The following ARL6IP1 variants were observed in gnomAD, a reference collection of about 807,000 sequenced individuals.
The protein encoded by ARL6IP1 is ADP-ribosylation factor-like protein 6-interacting protein 1.
A neutral mutation model predicts 30.1 loss-of-function variants in ARL6IP1; 16 were observed. That is an observed-to-expected ratio of 0.53 (90% CI 0.36 to 0.81). The LOEUF is 0.81. Among genes scored for constraint, ARL6IP1 ranks in the 30% least tolerant of loss-of-function variants. The pLI is 0.01. For missense variants in ARL6IP1, 173 were observed against 242.7 expected (o/e 0.71, Z 1.91); for synonymous variants, 72 against 84.8 (o/e 0.85, Z 0.83).
At chr16:18,798,212 T>C in intron 2 of ARL6IP1, 168 bp from the exon 3 acceptor site, 1 of 592,230 alleles carries the variant, frequency 1.7e-6, no homozygotes. Flanking sequence ...GACATGCTGA[T>C]ATCATAGCTG....
chr16:18,793,209 G>A lies in ARL6IP1; in HGVS notation c.*43C>T. ...ATAGTACAGCAGAAACGGTTCCCGG[G>A]GCAATGGGTGCTGCATTAATCACAC... On this transcript the variant is annotated 3_prime_UTR_variant, in exon 6 of 6. Coordinates refer to ENST00000304414, the MANE Select transcript of ARL6IP1 (RefSeq NM_015161.3). The A allele has an allele frequency of 7.5e-7, 1 of 1,325,378 alleles. No individual in the cohort carries two copies. The highest frequency in any genetic ancestry group is 1.1e-6 in the Non-Finnish European group (1 of 930,802). 82.1% of individuals were successfully genotyped at this position (1,325,378 alleles called of 1,614,324 possible).
At chr16:18,799,123 G>C (rs1371502669) in intron 1 of ARL6IP1, among the ~76,000 whole-genome samples, 1 of 151,956 alleles carries the variant, frequency 6.6e-6, no homozygotes, top group Non-Finnish European at 1.5e-5. Flanking sequence ...GGGTTCAAGC[G>C]ATTCTCCTAC....
intron 5 of ARL6IP1, among the ~76,000 whole-genome samples, chr16:18,793,979 G>A (rs545605730): frequency 1.1e-4 from 17 of 152,158 alleles, no homozygotes; most frequent in African/African-American, 3.4e-4. Context: ...TGTGTATGGC[G>A]GTGGTGGGTG....
intron 1 of ARL6IP1, among the ~76,000 whole-genome samples, chr16:18,800,411 T>C (rs1247759596): frequency 6.6e-6 from 1 of 152,208 alleles, no homozygotes; most frequent in Non-Finnish European, 1.5e-5. Flanking sequence ...CCAGGATTTG[T>C]CATTTCAACA....
chr16:18,794,955 T>TCA (rs1380654115), intron 4 of ARL6IP1, among the ~76,000 whole-genome samples: 2 of 152,066 alleles, frequency 1.3e-5, no homozygotes, highest in Non-Finnish European at 2.9e-5. Context: ...GTTAATAACT[T>TCA]CACGGAACAG....
chr16:18,795,075 G>A, intron 4 of ARL6IP1: 1 of 205,358 alleles, frequency 4.9e-6, no homozygotes, highest in Non-Finnish European at 9.7e-6. Context: ...GGAGTGCAGT[G>A]GTGCAAACAG....
At chr16:18,797,807 A>G (rs2030286096) in intron 3 of ARL6IP1, 118 bp downstream of exon 3, 1 of 1,264,488 alleles carries the variant, frequency 7.9e-7, no homozygotes. Context: ...CAATAAATCT[A>G]ATGCTTAGGT....
chr16:18,797,120 C>T (rs2030255816), intron 3 of ARL6IP1, among the ~76,000 whole-genome samples: 1 of 152,088 alleles, frequency 6.6e-6, no homozygotes, highest in Non-Finnish European at 1.5e-5. Context: ...TGGCTCACGC[C>T]TGTAATCTCA....
Position 18,798,810 on chromosome 16 carries a change from C to A in ARL6IP1, c.61G>T (p.Glu21Ter). The stretch of plus-strand genomic sequence containing the variant: ...ACTTCTCCCCATCCTTGCAGCTGTT[C>A]TTCCAGACTTGCAGTCTCTGCAGCC... ...LLAAETASLE[E>*]QLQGWGEVML... Residue 21 changes from glutamate (E) to a stop codon, truncating the protein, a stop_gained, in exon 2 of 6, where the codon GAA becomes TAA. Transcript: ENST00000304414. LOFTEE classifies it high-confidence loss of function. The A allele has an allele frequency of 6.2e-7, 1 of 1,614,148 alleles. No homozygotes were observed. Among genetic ancestry groups the A allele is most frequent in the Non-Finnish European group, 8.5e-7 (1 of 1,180,016 alleles).
intron 3 of ARL6IP1, among the ~76,000 whole-genome samples, chr16:18,797,124 A>C (rs1272522384): frequency 6.6e-6 from 1 of 152,152 alleles, no homozygotes; most frequent in African/African-American, 2.4e-5. Flanking sequence ...TCACGCCTGT[A>C]ATCTCAGCAC....
At chr16:18,797,030 C>T (rs2030252631) in intron 3 of ARL6IP1, among the ~76,000 whole-genome samples, 1 of 152,096 alleles carries the variant, frequency 6.6e-6, no homozygotes, top group East Asian at 1.9e-4. Flanking sequence ...AGTTAAAATA[C>T]TTTTAATATG....
chr16:18,795,419 A>C lies in ARL6IP1; in HGVS notation c.408+45T>G, dbSNP rs777537413. The C allele has an allele frequency of 4.4e-5, 62 of 1,410,640 alleles. No individual in the cohort carries two copies. In the South Asian group the frequency reaches 7.3e-4, roughly 17 times the overall value. The allele number at this position is 1,410,640 out of a possible 1,614,324, so 87.4% of individuals were successfully genotyped here. The stretch of plus-strand genomic sequence containing the variant: ...TTAAGACAAAAAGGCGAATTGACTC[A>C]AATCTTAAAATTTTACTGTACTTAA... On this transcript the variant is annotated intron_variant, in intron 4 of 5. Transcript: ENST00000304414.
At chr16:18,796,482 TAAAC>T (rs748576348) in intron 3 of ARL6IP1, among the ~76,000 whole-genome samples, 2 of 152,194 alleles carry the variant, frequency 1.3e-5, no homozygotes, top group Non-Finnish European at 2.9e-5. Flanking sequence ...GATCAAAAAA[TAAAC>T]AAAATCTGCT....
intron 4 of ARL6IP1, 143 bp from the exon 5 acceptor site, chr16:18,794,826 C>A: frequency 1.8e-6 from 1 of 557,294 alleles, no homozygotes; most frequent in Non-Finnish European, 3.1e-6. Flanking sequence ...TTTAAAAATT[C>A]TTAGATTTAA....
chr16:18,798,139 C>T, intron 2 of ARL6IP1, 95 bp from the exon 3 acceptor site: 1 of 1,214,278 alleles, frequency 8.2e-7, no homozygotes, highest in Non-Finnish European at 1.1e-6. Flanking sequence ...TATTCACCGC[C>T]TCTCAGAGAT....
At position 18,801,467 on chromosome 16, in the gene ARL6IP1, C is replaced by G; in HGVS notation, c.-1G>C. 6.2e-7 allele frequency: 1 copy of G among 1,612,832 alleles called. No individual in the cohort carries two copies. Among genetic ancestry groups the G allele is most frequent in the Non-Finnish European group, 8.5e-7 (1 of 1,179,668 alleles). ...TGCTGCGATTATCTCCCTCCGCCAT[C>G]GTCTCGGGGATGCAGTCTCTACAAG... On this transcript the variant is annotated 5_prime_UTR_variant, in exon 1 of 6. Coordinates refer to ENST00000304414, the MANE Select transcript of ARL6IP1 (RefSeq NM_015161.3).
intron 2 of ARL6IP1, 118 bp downstream of exon 2, chr16:18,798,583 G>A: frequency 1.8e-6 from 2 of 1,100,304 alleles, no homozygotes; most frequent in Non-Finnish European, 2.4e-6. Context: ...TTCTTTATGG[G>A]TTCTTTATGG....
At chr16:18,799,931 A>G (rs955001696) in intron 1 of ARL6IP1, among the ~76,000 whole-genome samples, 1 of 152,164 alleles carries the variant, frequency 6.6e-6, no homozygotes, top group African/African-American at 2.4e-5. Context: ...ATCAGGCTGG[A>G]TGCAGTGGAT....
At chr16:18,798,238 T>C (rs2030301097) in intron 2 of ARL6IP1, 194 bp from the exon 3 acceptor site, 1 of 484,856 alleles carries the variant, frequency 2.1e-6, no homozygotes, top group Non-Finnish European at 3.6e-6. Flanking sequence ...GTTAAGTATA[T>C]ATCAATGGAC....
Sources: allele counts gnomAD v4.1 joint callset (sites outside exome capture counted in the v4.1 genomes callset), GRCh38; gene constraint gnomAD v4.1.1; transcripts MANE v1.5; gene names NCBI Gene and HGNC (gene_info 2026-07-23, HGNC 2026-07-21).